SLC24A2: variants seen among roughly 807,000 people sequenced by gnomAD.
SLC24A2 encodes the protein sodium/potassium/calcium exchanger 2.
In SLC24A2, 36 loss-of-function variants were observed where a neutral mutation model predicts 62.0. That is an observed-to-expected ratio of 0.58 (90% CI 0.44 to 0.77). SLC24A2 has a LOEUF of 0.77. Among genes scored for constraint, SLC24A2 ranks in the 30% least tolerant of loss-of-function variants. SLC24A2 has a pLI of 0.00. For synonymous variants in SLC24A2, 358 were observed against 294.0 expected, an observed-to-expected ratio of 1.22 and a Z score of -2.23; for missense variants, 846 against 817.9, an observed-to-expected ratio of 1.03 and a Z score of -0.42.
chr9:19,851,723 T>A, the SLC24A2 span, among the ~76,000 whole-genome samples: 1 of 152,224 alleles, frequency 6.6e-6, no homozygotes, highest in Non-Finnish European at 1.5e-5. Flanking sequence ...AAAAATCCAG[T>A]TAATCATTGG....
chr9:19,650,775 C>T (rs1818777704), intron 2 of SLC24A2, among the ~76,000 whole-genome samples: 2 of 151,886 alleles, frequency 1.3e-5, no homozygotes, highest in African/African-American at 4.8e-5. Context: ...CTAGGATTCA[C>T]AACCGAAATA....
the SLC24A2 span, among the ~76,000 whole-genome samples, chr9:19,874,753 C>T: frequency 6.6e-6 from 1 of 152,174 alleles, no homozygotes; most frequent in African/African-American, 2.4e-5. Context: ...TCAGCTTTGT[C>T]TGCGTCTGAG....
At chr9:20,306,671 T>C in the SLC24A2 span, among the ~76,000 whole-genome samples, 1 of 152,298 alleles carries the variant, frequency 6.6e-6, no homozygotes, top group South Asian at 2.1e-4. Flanking sequence ...TACACCCCTT[T>C]ACAGTCCTTA....
chr9:19,853,588 A>G, the SLC24A2 span, among the ~76,000 whole-genome samples: 12 of 152,276 alleles, frequency 7.9e-5, no homozygotes, highest in East Asian at 1.9e-3. Flanking sequence ...GTCTTTAGTT[A>G]TGCTTATGTG....
At chr9:19,904,176 A>G in the SLC24A2 span, among the ~76,000 whole-genome samples, 1 of 152,070 alleles carries the variant, frequency 6.6e-6, no homozygotes, top group Non-Finnish European at 1.5e-5. Context: ...GATATGAAGA[A>G]TCTTGGGCAC....
rs187402351 is a variant in SLC24A2, at chr9:19,697,237, A to C, written c.931-74938T>G. On this transcript the variant is annotated intron_variant, in intron 2 of 10. Transcript: ENST00000341998. Reference sequence around the variant, plus strand: ...TATTTTAAAAATATCTTTTTCTAAGAACATATGGACACATGGTGGGGAACA... The same window carrying C: ...TATTTTAAAAATATCTTTTTCTAAGCACATATGGACACATGGTGGGGAACA... Among the ~76,000 whole-genome samples the C allele has an allele frequency of 1.2e-3, 177 of 152,322 alleles. 3 individuals carry two copies. Among genetic ancestry groups the C allele is most frequent in the Non-Finnish European group, 2.9e-4 (20 of 68,034 alleles).
At chr9:20,046,977 C>G in the SLC24A2 span, among the ~76,000 whole-genome samples, 87 of 152,190 alleles carry the variant, frequency 5.7e-4, no homozygotes, top group Non-Finnish European at 1.1e-3. Context: ...ACCAGGAAGA[C>G]CACTTAGGGA....
intron 9 of SLC24A2, among the ~76,000 whole-genome samples, chr9:19,526,313 T>C (rs1367514272): frequency 6.6e-6 from 1 of 152,206 alleles, no homozygotes; most frequent in Non-Finnish European, 1.5e-5. Flanking sequence ...CTTTGAACAT[T>C]TGTTTACAAG....
the SLC24A2 span, among the ~76,000 whole-genome samples, chr9:20,272,866 G>T: frequency 6.6e-6 from 1 of 152,138 alleles, no homozygotes; most frequent in Non-Finnish European, 1.5e-5. Flanking sequence ...ACAGCACTAG[G>T]GGATTCCCCA....
chr9:20,284,305 T>G, the SLC24A2 span, among the ~76,000 whole-genome samples: 1 of 151,812 alleles, frequency 6.6e-6, no homozygotes, highest in African/African-American at 2.4e-5. Context: ...AGAGATGGGG[T>G]TTCACTCTGT....
chr9:19,550,349 G>C lies in SLC24A2; in HGVS notation c.1348-81C>G, dbSNP rs571231921. ...CACAACAACAGGAGCACAGAACAAA[G>C]GGGAAGCTCCATGTCTTATCAGTTT... On this transcript the variant is annotated intron_variant, in intron 7 of 10. Transcript: ENST00000341998. 7.0e-6 allele frequency: 10 copies of C among 1,429,888 alleles called. 1 individual carries two copies. In the East Asian group the frequency reaches 9.2e-5, roughly 13 times the overall value. 88.6% of individuals were successfully genotyped at this position (1,429,888 alleles called of 1,614,324 possible).
chr9:20,044,173 A>C, the SLC24A2 span, among the ~76,000 whole-genome samples: 1 of 152,114 alleles, frequency 6.6e-6, no homozygotes, highest in East Asian at 1.9e-4. Flanking sequence ...CACAATGCAA[A>C]CTTTTTATAC....
chr9:19,563,062 C>G (rs896470590), intron 7 of SLC24A2, among the ~76,000 whole-genome samples: 1 of 152,170 alleles, frequency 6.6e-6, no homozygotes, highest in Admixed American at 6.5e-5. Flanking sequence ...GCCATGACTG[C>G]ACCACTGTAC....
At chr9:20,024,472 G>A in the SLC24A2 span, among the ~76,000 whole-genome samples, 3 of 152,276 alleles carry the variant, frequency 2.0e-5, no homozygotes, top group Non-Finnish European at 4.4e-5. Context: ...GGTTACTACC[G>A]AATTTTTGAC....
chr9:20,185,388 A>G, the SLC24A2 span, among the ~76,000 whole-genome samples: 1 of 152,048 alleles, frequency 6.6e-6, no homozygotes, highest in East Asian at 1.9e-4. Flanking sequence ...AAAACAGGCC[A>G]GGCATCGCGG....
the SLC24A2 span, among the ~76,000 whole-genome samples, chr9:19,874,075 CTTTTTTTTT>C: frequency 9.3e-6 from 1 of 107,304 alleles, no homozygotes; most frequent in African/African-American, 3.4e-5. Context: ...CTTTTCTTTT[CTTTTTTTTT>C]TTTTTTTTTT....
intron 5 of SLC24A2, among the ~76,000 whole-genome samples, chr9:19,589,574 G>A (rs1460913544): frequency 6.6e-6 from 1 of 152,040 alleles, no homozygotes; most frequent in Non-Finnish European, 1.5e-5. Context: ...AACCAAAAGG[G>A]AATATATATT....
chr9:19,863,751 A>C, the SLC24A2 span, among the ~76,000 whole-genome samples: 2 of 151,966 alleles, frequency 1.3e-5, no homozygotes, highest in Non-Finnish European at 2.9e-5. Flanking sequence ...ACATCAAAAA[A>C]GAAAAACTTC....
At chr9:19,907,583 G>A in the SLC24A2 span, among the ~76,000 whole-genome samples, 6,821 of 152,200 alleles carry the variant, frequency 0.045, 273 homozygotes, top group East Asian at 0.21. Flanking sequence ...AAACCCCATC[G>A]TCTCAGCCCA....
Sources: allele counts gnomAD v4.1 joint callset (sites outside exome capture counted in the v4.1 genomes callset), GRCh38; gene constraint gnomAD v4.1.1; transcripts MANE v1.5; gene names NCBI Gene and HGNC (gene_info 2026-07-23, HGNC 2026-07-21).